ARHGAP28: variants seen among roughly 807,000 people sequenced by gnomAD.
ARHGAP28 encodes the protein Rho GTPase activating protein 28.
ARHGAP28 carries 56 observed loss-of-function variants against 90.7 expected under a neutral mutation model. The observed-to-expected ratio is 0.62, with a 90% CI of 0.50 to 0.77. The LOEUF (loss-of-function observed/expected upper bound fraction) is 0.77. Among genes scored for constraint, ARHGAP28 ranks in the 30% least tolerant of loss-of-function variants. The pLI is 0.00. For synonymous variants in ARHGAP28, 308 were observed against 323.3 expected, an observed-to-expected ratio of 0.95 and a Z score of 0.51; for missense variants, 869 against 900.9, an observed-to-expected ratio of 0.96 and a Z score of 0.45.
At chr18:6,812,865 G>A (rs946437400) in intron 1 of ARHGAP28, among the ~76,000 whole-genome samples, 7 of 152,178 alleles carry the variant, frequency 4.6e-5, no homozygotes, top group African/African-American at 1.7e-4. Context: ...TGCAGTGAGA[G>A]GGATTTTGAG....
At chr18:6,798,518 T>C (rs1489588888) in intron 1 of ARHGAP28, among the ~76,000 whole-genome samples, 1 of 152,152 alleles carries the variant, frequency 6.6e-6, no homozygotes, top group Non-Finnish European at 1.5e-5. Context: ...ACCTATACAA[T>C]GACTTTCTGA....
At chr18:6,887,365 C>A in intron 12 of ARHGAP28, 126 bp downstream of exon 12, 1 of 752,250 alleles carries the variant, frequency 1.3e-6, no homozygotes, top group Non-Finnish European at 2.3e-6. Flanking sequence ...AAACACACGG[C>A]CTTTCTGTGC....
chr18:6,840,856 G>C (rs1156625179), intron 3 of ARHGAP28, among the ~76,000 whole-genome samples: 2 of 152,156 alleles, frequency 1.3e-5, no homozygotes, highest in Non-Finnish European at 2.9e-5. Context: ...TGTATAAGCT[G>C]CTTAGAAAAT....
intron 12 of ARHGAP28, among the ~76,000 whole-genome samples, chr18:6,888,911 T>A (rs1003069021): frequency 2.6e-5 from 4 of 152,156 alleles, no homozygotes; most frequent in African/African-American, 9.7e-5. Flanking sequence ...AAGAATTGGT[T>A]CCCTTCGTTC....
intron 1 of ARHGAP28, among the ~76,000 whole-genome samples, chr18:6,784,414 C>A (rs1567946430): frequency 1.3e-5 from 2 of 152,140 alleles, no homozygotes; most frequent in Non-Finnish European, 2.9e-5. Context: ...TGAATGTAAT[C>A]GCTTTCATTT....
chr18:6,846,085 G>A (rs1285022527), intron 3 of ARHGAP28, among the ~76,000 whole-genome samples: 1 of 152,196 alleles, frequency 6.6e-6, no homozygotes, highest in Admixed American at 6.5e-5. Context: ...GTGAATAGGA[G>A]CGATAGAAGG....
At chr18:6,755,222 A>G (rs1024156585) in intron 1 of ARHGAP28, among the ~76,000 whole-genome samples, 8 of 152,192 alleles carry the variant, frequency 5.3e-5, no homozygotes, top group Admixed American at 1.3e-4. Flanking sequence ...TGTGATATGG[A>G]AAAAGCCTAG....
chr18:6,779,894 A>G (rs938703396), intron 1 of ARHGAP28, among the ~76,000 whole-genome samples: 11 of 152,266 alleles, frequency 7.2e-5, no homozygotes, highest in African/African-American at 2.7e-4. Flanking sequence ...AGATAACTCG[A>G]AATGTCACTA....
intron 1 of ARHGAP28, among the ~76,000 whole-genome samples, chr18:6,786,523 G>A (rs565124373): frequency 6.6e-5 from 10 of 152,204 alleles, no homozygotes; most frequent in African/African-American, 2.4e-4. Flanking sequence ...CTCCATCATT[G>A]TGCCACTGTA....
At chr18:6,816,339 A>T (rs1207991833) in intron 1 of ARHGAP28, among the ~76,000 whole-genome samples, 1 of 152,204 alleles carries the variant, frequency 6.6e-6, no homozygotes, top group Non-Finnish European at 1.5e-5. Context: ...AGAGCATAAG[A>T]AACAAGGGAT....
chr18:6,846,185 T>C (rs928606925), intron 3 of ARHGAP28, among the ~76,000 whole-genome samples: 7 of 152,142 alleles, frequency 4.6e-5, no homozygotes, highest in Non-Finnish European at 8.8e-5. Context: ...CTTCAGTATG[T>C]TTCCTTCTCT....
chr18:6,796,464 A>G (rs903233163), intron 1 of ARHGAP28, among the ~76,000 whole-genome samples: 27 of 152,030 alleles, frequency 1.8e-4, no homozygotes, highest in African/African-American at 2.4e-5. Context: ...TGCCAACATC[A>G]TCTTCATTCT....
At chr18:6,730,142 C>G in intron 1 of ARHGAP28, 199 bp downstream of exon 1, 1 of 475,920 alleles carries the variant, frequency 2.1e-6, no homozygotes, top group Admixed American at 4.6e-5. Flanking sequence ...CTCCACCAGC[C>G]TGGGCTGAAG....
intron 3 of ARHGAP28, among the ~76,000 whole-genome samples, chr18:6,838,817 G>A (rs2056774230): frequency 6.6e-6 from 1 of 152,112 alleles, no homozygotes; most frequent in South Asian, 2.1e-4. Flanking sequence ...CTGGATGGTG[G>A]GATTGTCTAC....
intron 7 of ARHGAP28, among the ~76,000 whole-genome samples, chr18:6,872,026 C>G (rs986769991): frequency 6.6e-6 from 1 of 152,138 alleles, no homozygotes; most frequent in South Asian, 2.1e-4. Flanking sequence ...ACTTCAAAAC[C>G]CTTCCTGGTC....
chr18:6,777,986 A>T (rs1450250160), intron 1 of ARHGAP28, among the ~76,000 whole-genome samples: 2 of 152,184 alleles, frequency 1.3e-5, no homozygotes, highest in African/African-American at 4.8e-5. Context: ...CCAAGCCTTC[A>T]TCAGTATGAT....
chr18:6,887,378 C>A, intron 12 of ARHGAP28, 139 bp downstream of exon 12: 1 of 692,066 alleles, frequency 1.4e-6, no homozygotes. Flanking sequence ...TTCTGTGCTC[C>A]CACTGCCCTT....
At chr18:6,839,185 A>G (rs1486066959) in intron 3 of ARHGAP28, among the ~76,000 whole-genome samples, 1 of 152,192 alleles carries the variant, frequency 6.6e-6, no homozygotes, top group African/African-American at 2.4e-5. Flanking sequence ...GGTTTTGAAA[A>G]GGCTATTATA....
chr18:6,738,316 T>C (rs2055945903), intron 1 of ARHGAP28, among the ~76,000 whole-genome samples: 1 of 151,942 alleles, frequency 6.6e-6, no homozygotes, highest in Non-Finnish European at 1.5e-5. Flanking sequence ...CTTATATACA[T>C]TTATACTTTA....
Sources: gnomAD v4.1 joint callset for allele counts (sites outside exome capture counted in the v4.1 genomes callset) on GRCh38, gnomAD v4.1.1 for gene constraint, MANE v1.5 for transcripts, NCBI Gene and HGNC (gene_info 2026-07-23, HGNC 2026-07-21) for gene names.